CUBN: variants seen among roughly 807,000 people sequenced by gnomAD.
The protein encoded by CUBN is cubilin.
In CUBN, 282 loss-of-function variants were observed where a neutral mutation model predicts 405.3. That is an observed-to-expected ratio of 0.70 (90% CI 0.63 to 0.77). The LOEUF (loss-of-function observed/expected upper bound fraction) is 0.77, where lower values mean the gene tolerates loss of function less well. Ranked by LOEUF, CUBN falls within the 30% of genes least tolerant of loss-of-function variation. The pLI, the probability that CUBN is intolerant of heterozygous loss-of-function variation, is 0.00. For missense variants in CUBN, 4,514 were observed against 4,475.2 expected (o/e 1.01, Z -0.25); for synonymous variants, 1,684 against 1,617.0 (o/e 1.04, Z -0.99).
chr10:17,061,345 G>A (rs1340064691), intron 22 of CUBN, among the ~76,000 whole-genome samples: 1 of 152,108 alleles, frequency 6.6e-6, no homozygotes, highest in Non-Finnish European at 1.5e-5. Context: ...TGGCGAACAA[G>A]CACCCTAGAC....
intron 27 of CUBN, among the ~76,000 whole-genome samples, chr10:17,038,505 T>G (rs1834946236): frequency 6.6e-6 from 1 of 152,202 alleles, no homozygotes; most frequent in East Asian, 1.9e-4. Context: ...AACCCATTCC[T>G]CTCATCAAGG....
chr10:17,103,164 A>G lies in CUBN; in HGVS notation c.1491T>C (p.Asp497=), dbSNP rs543041639. Residue 497 remains aspartate, a synonymous_variant, in exon 13 of 67, where the codon GAT becomes GAC. Coordinates refer to ENST00000377833, the MANE Select transcript of CUBN (RefSeq NM_001081.4). The part of the protein sequence containing the change: ...YRSPDVGYVH[D]VNCFWVIKTE... ...TTTTGATAACCCAGAAGCAGTTAAC[A>G]TCATGAACATAACCAACATCCGGGC... 23 of 1,613,974 alleles carry G rather than the reference A, an allele frequency of 1.4e-5. No individual in the cohort carries two copies. The highest frequency in any genetic ancestry group is 1.2e-4 in the South Asian group (11 of 91,088).
chr10:16,929,594 T>C (rs1327056361), intron 40 of CUBN, among the ~76,000 whole-genome samples: 1 of 152,220 alleles, frequency 6.6e-6, no homozygotes, highest in African/African-American at 2.4e-5. Context: ...ACAAATGTAA[T>C]GGCAGAGTTA....
chr10:17,112,150 A>G (rs1836785779), intron 8 of CUBN, among the ~76,000 whole-genome samples: 1 of 152,290 alleles, frequency 6.6e-6, no homozygotes, highest in African/African-American at 2.4e-5. Context: ...TATTAAAATT[A>G]TAAGAATTCT....
At chr10:16,871,721 T>A (rs1840359204) in intron 58 of CUBN, among the ~76,000 whole-genome samples, 1 of 152,238 alleles carries the variant, frequency 6.6e-6, no homozygotes, top group Non-Finnish European at 1.5e-5. Flanking sequence ...TCTGAGTTTC[T>A]AAGAGGACTT....
intron 14 of CUBN, among the ~76,000 whole-genome samples, chr10:17,096,694 A>G (rs1371591294): frequency 6.6e-6 from 1 of 152,114 alleles, no homozygotes; most frequent in East Asian, 1.9e-4. Context: ...TAACCATTAC[A>G]GAATATACAT....
intron 22 of CUBN, among the ~76,000 whole-genome samples, chr10:17,049,436 A>G (rs771998825): frequency 2.7e-4 from 41 of 152,174 alleles, no homozygotes; most frequent in Non-Finnish European, 5.6e-4. Flanking sequence ...CTCTAATGCA[A>G]CTTGTCTGTG....
chr10:17,108,895 G>C (rs1175717264), intron 10 of CUBN, among the ~76,000 whole-genome samples: 2 of 152,066 alleles, frequency 1.3e-5, no homozygotes, highest in Non-Finnish European at 2.9e-5. Context: ...GAAAGAAAGA[G>C]AGCAAAGGGG....
chr10:17,050,593 T>A (rs1312173621), intron 22 of CUBN, among the ~76,000 whole-genome samples: 2 of 152,216 alleles, frequency 1.3e-5, no homozygotes, highest in African/African-American at 4.8e-5. Flanking sequence ...TCAGAAAGCA[T>A]GTCAGACAGG....
At chr10:16,883,588 A>G (rs572315614) in intron 56 of CUBN, among the ~76,000 whole-genome samples, 150 of 152,334 alleles carry the variant, frequency 9.8e-4, no homozygotes, top group Middle Eastern at 3.4e-3. Context: ...CTTGATGGGG[A>G]AAAAAATGTC....
intron 17 of CUBN, among the ~76,000 whole-genome samples, chr10:17,081,964 A>T (rs922242820): frequency 2.9e-5 from 3 of 105,122 alleles, no homozygotes; most frequent in African/African-American, 9.6e-5. Flanking sequence ...TGAATAATAC[A>T]GTTTTTTTTT....
At chr10:17,076,249 A>G (rs527560894) in intron 17 of CUBN, among the ~76,000 whole-genome samples, 2 of 152,282 alleles carry the variant, frequency 1.3e-5, no homozygotes, top group South Asian at 2.1e-4. Flanking sequence ...CCCTGAACCT[A>G]GAAGGTGCAA....
intron 14 of CUBN, among the ~76,000 whole-genome samples, chr10:17,099,020 C>G (rs570718983): frequency 6.6e-6 from 1 of 152,148 alleles, no homozygotes; most frequent in Admixed American, 6.6e-5. Flanking sequence ...CCATAAAATT[C>G]TTTGGGAAAA....
chr10:17,008,335 C>CGTGT (rs10678462), intron 28 of CUBN, among the ~76,000 whole-genome samples: 54,645 of 138,466 alleles, frequency 0.39, 10,485 homozygotes, highest in East Asian at 0.58. Context: ...AGTCCCTCCC[C>CGTGT]GTGTGTGTGT....
At chr10:16,834,487 A>T (rs56936588) in intron 64 of CUBN, among the ~76,000 whole-genome samples, 5 of 152,118 alleles carry the variant, frequency 3.3e-5, no homozygotes, top group Non-Finnish European at 7.4e-5. Context: ...AAGAAAGGAC[A>T]GACCACACCC....
chr10:17,122,439 T>G, intron 6 of CUBN: 1 of 374,244 alleles, frequency 2.7e-6, no homozygotes, highest in South Asian at 2.2e-5. Flanking sequence ...GGTGTCCCCT[T>G]TTCTACTTAA....
chr10:17,047,295 G>A, intron 23 of CUBN, 119 bp downstream of exon 23: 1 of 760,502 alleles, frequency 1.3e-6, no homozygotes, highest in South Asian at 1.9e-5. Context: ...TTGCAAGAAA[G>A]TGCACAGCAG....
intron 60 of CUBN, among the ~76,000 whole-genome samples, chr10:16,845,709 G>A (rs992387570): frequency 6.6e-6 from 1 of 152,180 alleles, no homozygotes; most frequent in African/African-American, 2.4e-5. Flanking sequence ...AAGAATGAAT[G>A]AATAGTAGGT....
In CUBN at chr10:16,919,961, A is replaced by G. The variant is rs150901286; in HGVS notation, c.6821+2T>C. 1.3e-4 allele frequency: 208 copies of G among 1,612,428 alleles called. 1 individual carries two copies. The African/African-American group carries it at 2.6e-3, about 20-fold the overall frequency. The stretch of plus-strand genomic sequence containing the variant: ...AAAAAAATGAAAATGGAAGTGACAT[A>G]CTTGGGTGTTACTTCAATATCGAAT... On this transcript the variant is annotated splice_donor_variant, in intron 44 of 66. Coordinates refer to ENST00000377833, the MANE Select transcript of CUBN (RefSeq NM_001081.4). LOFTEE classifies it high-confidence loss of function.
Sources: allele counts gnomAD v4.1 joint callset (sites outside exome capture counted in the v4.1 genomes callset), GRCh38; gene constraint gnomAD v4.1.1; transcripts MANE v1.5; gene names NCBI Gene and HGNC (gene_info 2026-07-23, HGNC 2026-07-21).